The following POT1 variants were observed in gnomAD, a reference collection of about 807,000 sequenced individuals.
The protein encoded by POT1 is protection of telomeres 1.
In POT1, 47 loss-of-function variants were observed where a neutral mutation model predicts 78.5. The ratio of observed to expected loss-of-function variants is 0.60; its 90% CI spans 0.47 to 0.76. The LOEUF is 0.76. POT1 is among the 30% of genes least tolerant of loss of function. POT1 has a pLI of 0.00. For synonymous variants in POT1, 259 were observed against 260.7 expected (o/e 0.99, Z 0.06); for missense variants, 646 against 749.9 (o/e 0.86, Z 1.62).
chr7:124,905,872 C>G (rs955437321), intron 3 of POT1, among the ~76,000 whole-genome samples: 2 of 152,274 alleles, frequency 1.3e-5, no homozygotes, highest in Non-Finnish European at 2.9e-5. Context: ...ATGCAGCCAA[C>G]AGACACATGA....
At chr7:124,829,022 C>A in intron 16 of POT1, 1 of 719,016 alleles carries the variant, frequency 1.4e-6, no homozygotes. Flanking sequence ...GGAGGAAAAA[C>A]AAAATAGTAA....
intron 3 of POT1, among the ~76,000 whole-genome samples, chr7:124,898,967 TAA>T (rs1243847411): frequency 1.3e-5 from 2 of 152,204 alleles, no homozygotes; most frequent in Non-Finnish European, 2.9e-5. Flanking sequence ...ACAGAAATAC[TAA>T]AAGAGTTTTG....
Position 124,922,106 on chromosome 7 carries a change from G to A in POT1, c.-226-6460C>T, listed in dbSNP as rs560981658. ...AAAGCAGTGGACCGGCATCTCTATA[G>A]TCCTAAAAGAAAAAAAAAGTCAACA... On this transcript the variant is annotated intron_variant, in intron 2 of 18. Coordinates refer to ENST00000357628, the MANE Select transcript of POT1 (RefSeq NM_015450.3). Among the ~76,000 whole-genome samples the A allele has an allele frequency of 1.8e-3, 278 of 151,672 alleles. 1 individual carries two copies. The highest frequency in any genetic ancestry group is 6.8e-3 in the Middle Eastern group (2 of 294).
intron 2 of POT1, among the ~76,000 whole-genome samples, chr7:124,919,222 G>A (rs543389737): frequency 6.6e-6 from 1 of 152,126 alleles, no homozygotes; most frequent in East Asian, 1.9e-4. Flanking sequence ...ACCTAGAAAA[G>A]GTAGAGTAAA....
At chr7:124,882,068 A>G (rs1371205908) in intron 6 of POT1, among the ~76,000 whole-genome samples, 1 of 152,022 alleles carries the variant, frequency 6.6e-6, no homozygotes, top group Non-Finnish European at 1.5e-5. Flanking sequence ...CAATTCAACG[A>G]ATTGACTCAG....
chr7:124,828,125 T>C (rs1794675605), intron 16 of POT1, among the ~76,000 whole-genome samples: 1 of 152,180 alleles, frequency 6.6e-6, no homozygotes, highest in East Asian at 1.9e-4. Flanking sequence ...CATTGCATGT[T>C]AGTTTTATGA....
intron 5 of POT1, chr7:124,892,636 T>C: frequency 4.3e-6 from 1 of 232,334 alleles, no homozygotes; most frequent in Non-Finnish European, 8.3e-6. Flanking sequence ...AACATTATAC[T>C]TCTTCAATAA....
Position 124,829,213 on chromosome 7 carries a change from A to T in POT1, c.1594+41T>A, listed in dbSNP as rs10263573. 542,927 of 1,363,722 alleles carry T rather than the reference A, an allele frequency of 0.4. 109,489 individuals are homozygous for T. Among genetic ancestry groups the T allele is most frequent in the East Asian group, 0.48 (20,829 of 43,612 alleles). The allele number at this position is 1,363,722 out of a possible 1,614,324, so 84.5% of individuals were successfully genotyped here. ...TATAAGTAGGTGAAATAACCTTGTA[A>T]ACAAACAGTTAAAATTGCAGGGCAT... On this transcript the variant is annotated intron_variant, in intron 16 of 18. Transcript: ENST00000357628.
At chr7:124,837,293 T>G (rs1562978851) in intron 14 of POT1, 1 of 158,650 alleles carries the variant, frequency 6.3e-6, no homozygotes. Context: ...ATTATAGGTA[T>G]TAATAATAAA....
At chr7:124,846,435 AT>A (rs937653623) in intron 12 of POT1, among the ~76,000 whole-genome samples, 18 of 151,506 alleles carry the variant, frequency 1.2e-4, no homozygotes, top group Non-Finnish European at 2.1e-4. Context: ...TTTTCTGAAA[AT>A]TTTTTTTTAA....
rs527515614 is a variant in POT1 at position 124,871,069 on chromosome 7, A to T, written c.125-28T>A. ...GGAAAACACAAAAATATTTTACCTG[A>T]CTTTCAATATTTTAAAGCATTTGAT... On this transcript the variant is annotated intron_variant, in intron 6 of 18. Coordinates refer to ENST00000357628, the MANE Select transcript of POT1 (RefSeq NM_015450.3). The T allele has an allele frequency of 2.6e-6, 4 of 1,539,706 alleles. No homozygotes were observed. In the South Asian group the frequency reaches 5.0e-5, roughly 19 times the overall value.
At chr7:124,870,771 ATTTACATTACTTCT>A (rs1795847986) in intron 7 of POT1, 126 bp downstream of exon 7, 8 of 555,160 alleles carry the variant, frequency 1.4e-5, no homozygotes, top group African/African-American at 3.9e-5. Context: ...GTCTGATAAT[ATTTACATTACTTCT>A]TATCTCCTGA....
At chr7:124,841,263 G>A in intron 13 of POT1, 85 bp from the exon 14 acceptor site, 2 of 1,079,828 alleles carry the variant, frequency 1.9e-6, no homozygotes, top group Non-Finnish European at 2.7e-6. Context: ...AAATTAAAAA[G>A]TATCATTCTT....
chr7:124,890,921 C>G (rs1241017242), intron 6 of POT1, among the ~76,000 whole-genome samples: 1 of 151,782 alleles, frequency 6.6e-6, no homozygotes, highest in Non-Finnish European at 1.5e-5. Context: ...TGTTTTGTGA[C>G]CTAACGAGTT....
Position 124,904,933 on chromosome 7 carries a change from C to T in POT1, c.-153-6559G>A, listed in dbSNP as rs189619675. Among the ~76,000 whole-genome samples, 378 of 152,286 alleles carry T rather than the reference C, an allele frequency of 2.5e-3. 1 individual carries two copies. The highest frequency in any genetic ancestry group is 8.9e-3 in the African/African-American group (369 of 41,556). On this transcript the variant is annotated intron_variant, in intron 3 of 18. Coordinates refer to ENST00000357628, the MANE Select transcript of POT1 (RefSeq NM_015450.3). ...ATAAAATACTTAGGAATCCAACTTA[C>T]AAGGGATGTGAAGGACCTCTTCAAG...
At chr7:124,846,037 G>C (rs1240002269) in intron 12 of POT1, among the ~76,000 whole-genome samples, 1 of 152,006 alleles carries the variant, frequency 6.6e-6, no homozygotes. Context: ...GATTCCTTTA[G>C]AGAGAAATAT....
At chr7:124,871,731 ATTTTT>A (rs5887205) in intron 6 of POT1, among the ~76,000 whole-genome samples, 1 of 144,964 alleles carries the variant, frequency 6.9e-6, no homozygotes. Flanking sequence ...CTGCCTTAAA[ATTTTT>A]TTTTTTTTTT....
At chr7:124,914,763 G>A (rs1796977375) in intron 3 of POT1, among the ~76,000 whole-genome samples, 2 of 152,022 alleles carry the variant, frequency 1.3e-5, no homozygotes, top group Non-Finnish European at 2.9e-5. Context: ...AATACACATG[G>A]GTTATATGCA....
intron 3 of POT1, among the ~76,000 whole-genome samples, chr7:124,909,133 T>C (rs367791393): frequency 6.6e-6 from 1 of 151,962 alleles, no homozygotes; most frequent in East Asian, 1.9e-4. Flanking sequence ...TTTTGACAGT[T>C]TTGGGGTAAT....
Sources: allele counts gnomAD v4.1 joint callset (sites outside exome capture counted in the v4.1 genomes callset), GRCh38; gene constraint gnomAD v4.1.1; transcripts MANE v1.5; gene names NCBI Gene and HGNC (gene_info 2026-07-23, HGNC 2026-07-21).